Variants in MCTP1 observed in about 807,000 individuals in gnomAD.
MCTP1 encodes the protein multiple C2 and transmembrane domain-containing protein 1.
In MCTP1, 69 loss-of-function variants were observed where a neutral mutation model predicts 120.6. The observed-to-expected ratio is 0.57, with a 90% CI of 0.47 to 0.70. The LOEUF (loss-of-function observed/expected upper bound fraction) is 0.70. Ranked by LOEUF, MCTP1 falls within the 30% of genes least tolerant of loss-of-function variation. MCTP1 has a pLI of 0.00. For missense variants in MCTP1, 1,203 were observed against 1,248.8 expected (o/e 0.96, Z 0.55); for synonymous variants, 529 against 493.1 (o/e 1.07, Z -0.96).
At chr5:94,968,727 G>A (rs1431954448) in intron 2 of MCTP1, among the ~76,000 whole-genome samples, 2 of 152,160 alleles carry the variant, frequency 1.3e-5, no homozygotes, top group Non-Finnish European at 2.9e-5. Flanking sequence ...AGAGGCCTGT[G>A]GTTCTGCTAT....
chr5:94,784,257 T>A (rs1209605063), intron 18 of MCTP1, among the ~76,000 whole-genome samples: 2 of 151,952 alleles, frequency 1.3e-5, no homozygotes, highest in Non-Finnish European at 2.9e-5. Context: ...CAGTCTGGAG[T>A]TCATTTATAT....
chr5:95,230,430 C>A (rs1441294634), intron 1 of MCTP1, among the ~76,000 whole-genome samples: 1 of 152,128 alleles, frequency 6.6e-6, no homozygotes, highest in Non-Finnish European at 1.5e-5. Context: ...AGAATTCCCA[C>A]TTTTAACCAC....
chr5:95,241,272 C>T (rs1756135193), intron 1 of MCTP1, among the ~76,000 whole-genome samples: 1 of 152,176 alleles, frequency 6.6e-6, no homozygotes, highest in Non-Finnish European at 1.5e-5. Context: ...AGTCTTTCCA[C>T]ACAAGTCAAG....
intron 1 of MCTP1, among the ~76,000 whole-genome samples, chr5:95,184,204 A>C (rs1748942591): frequency 6.6e-6 from 1 of 152,192 alleles, no homozygotes; most frequent in Non-Finnish European, 1.5e-5. Context: ...GAAGTTTAAC[A>C]TCTACTGACC....
rs1458887950 is a variant in MCTP1 at position 94,710,857 on chromosome 5, G to C, written c.2791C>G (p.Leu931Val). The C allele has an allele frequency of 4.6e-5, 74 of 1,613,000 alleles. No individual in the cohort carries two copies. Among genetic ancestry groups the C allele is most frequent in the Non-Finnish European group, 6.1e-5 (72 of 1,179,318 alleles). The part of the protein sequence containing the change: ...IVALCVFTAI[L>V]YCIPLRYIVL... ...ATGTATCTCAGCGGAATGCAGTACA[G>C]GATGGCTGTGAACACACAGAGGGCT... Residue 931 changes from leucine to valine, a missense_variant, in exon 21 of 23, where the codon CTG becomes GTG. Leu to Val is a conservative substitution (Grantham distance 32, BLOSUM62 1). This residue lies in a region of MCTP1 where 740 missense variants were observed against 871.1 expected (regional missense o/e 0.85). Coordinates refer to ENST00000515393, the MANE Select transcript of MCTP1 (RefSeq NM_024717.7).
intron 17 of MCTP1, among the ~76,000 whole-genome samples, chr5:94,806,967 C>A (rs1225744269): frequency 6.6e-6 from 1 of 152,188 alleles, no homozygotes; most frequent in African/African-American, 2.4e-5. Flanking sequence ...CCTTTTCCTT[C>A]CTAATTTCAA....
intron 1 of MCTP1, among the ~76,000 whole-genome samples, chr5:95,136,481 A>G (rs1759454211): frequency 6.6e-6 from 1 of 152,116 alleles, no homozygotes; most frequent in Non-Finnish European, 1.5e-5. Context: ...GAAGATGGAA[A>G]ACGGGAAGCT....
chr5:94,913,730 AGTCTTGCTCTGTCACCCAG>A (rs1451481039), intron 8 of MCTP1, among the ~76,000 whole-genome samples: 1 of 151,826 alleles, frequency 6.6e-6, no homozygotes, highest in Non-Finnish European at 1.5e-5. Flanking sequence ...TTAGAAACAG[AGTCTTGCTCTGTCACCCAG>A]GCTGGAGTGC....
chr5:94,727,490 C>T (rs1762358889), intron 19 of MCTP1, among the ~76,000 whole-genome samples: 1 of 152,126 alleles, frequency 6.6e-6, no homozygotes, highest in South Asian at 2.1e-4. Context: ...TGTATGGTTA[C>T]AATTGCCAAG....
chr5:94,899,696 CTG>C (rs1280434026), intron 10 of MCTP1, among the ~76,000 whole-genome samples: 1 of 152,216 alleles, frequency 6.6e-6, no homozygotes, highest in Non-Finnish European at 1.5e-5. Context: ...CTTTCACAAA[CTG>C]TTCCAAAACA....
At chr5:95,014,260 A>AAAC (rs35342905) in intron 2 of MCTP1, among the ~76,000 whole-genome samples, 128,276 of 151,214 alleles carry the variant, frequency 0.85, 56,407 homozygotes, top group East Asian at 0.98. Context: ...CATGTCTCTA[A>AAAC]AACAACAACA....
intron 1 of MCTP1, among the ~76,000 whole-genome samples, chr5:95,070,127 C>G (rs1012519911): frequency 6.6e-6 from 1 of 152,202 alleles, no homozygotes; most frequent in Non-Finnish European, 1.5e-5. Context: ...TGTCAAGGCA[C>G]TCTGTTGTGT....
At chr5:95,229,856 G>A (rs1274198323) in intron 1 of MCTP1, among the ~76,000 whole-genome samples, 1 of 152,128 alleles carries the variant, frequency 6.6e-6, no homozygotes, top group Admixed American at 6.5e-5. Context: ...AGCTTAGTGG[G>A]AAAAGTCCCT....
intron 1 of MCTP1, among the ~76,000 whole-genome samples, chr5:95,163,910 T>G (rs988713092): frequency 3.3e-5 from 5 of 152,226 alleles, no homozygotes; most frequent in Non-Finnish European, 7.3e-5. Flanking sequence ...TGCTTTTATT[T>G]TAGAAAGGTA....
intron 12 of MCTP1, among the ~76,000 whole-genome samples, chr5:94,885,190 T>C (rs1800991999): frequency 6.6e-6 from 1 of 151,882 alleles, no homozygotes; most frequent in Non-Finnish European, 1.5e-5. Context: ...TTCAGTACAG[T>C]GAAAAGGTAG....
At chr5:95,043,462 C>G (rs1581997210) in intron 1 of MCTP1, among the ~76,000 whole-genome samples, 1 of 152,106 alleles carries the variant, frequency 6.6e-6, no homozygotes, top group Non-Finnish European at 1.5e-5. Flanking sequence ...CCCACCCTGA[C>G]TCCCAATCCC....
At chr5:94,955,278 A>G (rs1822277107) in intron 2 of MCTP1, among the ~76,000 whole-genome samples, 1 of 152,248 alleles carries the variant, frequency 6.6e-6, no homozygotes, top group Non-Finnish European at 1.5e-5. Flanking sequence ...CCCACAGACC[A>G]GGAAATTCCC....
chr5:95,233,844 G>A (rs1010637220), intron 1 of MCTP1, among the ~76,000 whole-genome samples: 2 of 151,904 alleles, frequency 1.3e-5, no homozygotes, highest in Non-Finnish European at 2.9e-5. Flanking sequence ...TAAAAAAGAA[G>A]AGCAACTTAA....
At chr5:95,149,651 TAC>T in intron 1 of MCTP1, among the ~76,000 whole-genome samples, 1 of 152,292 alleles carries the variant, frequency 6.6e-6, no homozygotes, top group Middle Eastern at 3.4e-3. Context: ...TGAGAAGTGG[TAC>T]AGTCTGACTG....
Sources: allele counts gnomAD v4.1 joint callset (sites outside exome capture counted in the v4.1 genomes callset), GRCh38; gene constraint gnomAD v4.1.1; regional missense constraint gnomAD v4.1.1; transcripts MANE v1.5; gene names NCBI Gene and HGNC (gene_info 2026-07-23, HGNC 2026-07-21).